EMC3: variants seen among roughly 807,000 people sequenced by gnomAD.
EMC3 encodes the protein ER membrane protein complex subunit 3.
EMC3 carries 13 observed loss-of-function variants against 36.6 expected under a neutral mutation model. The observed-to-expected ratio is 0.35, with a 90% CI of 0.23 to 0.56. EMC3 has a LOEUF of 0.56. Among genes scored for constraint, EMC3 ranks in the 20% least tolerant of loss-of-function variants. The pLI, the probability that EMC3 is intolerant of heterozygous loss-of-function variation, is 0.84. For synonymous variants in EMC3, 120 were observed against 111.9 expected (o/e 1.07, Z -0.46); for missense variants, 220 against 324.5 (o/e 0.68, Z 2.47).
chr3:9,967,963 C>G (rs930913051), intron 7 of EMC3, among the ~76,000 whole-genome samples: 1 of 152,234 alleles, frequency 6.6e-6, no homozygotes, highest in East Asian at 1.9e-4. Flanking sequence ...CGCTCTGTCA[C>G]CAGGCTGGAG....
At chr3:10,000,551 T>C (rs2086186276) in intron 1 of EMC3, 1 of 284,182 alleles carries the variant, frequency 3.5e-6, no homozygotes, top group Non-Finnish European at 7.2e-6. Context: ...TATGATCTGA[T>C]TTCTGGTGTA....
chr3:10,005,807 A>G (rs1242975864), intron 1 of EMC3, among the ~76,000 whole-genome samples: 8 of 152,156 alleles, frequency 5.3e-5, no homozygotes, highest in Non-Finnish European at 1.5e-5. Context: ...CAACTATCCC[A>G]TGGCCACCTA....
At chr3:9,974,538 A>G (rs767167012) in intron 3 of EMC3, 50 bp from the exon 4 acceptor site, 1 of 1,265,590 alleles carries the variant, frequency 7.9e-7, no homozygotes. Flanking sequence ...CTCTGTTGCC[A>G]GGGACTTTCT....
At chr3:10,008,038 C>T (rs1326908355) in intron 1 of EMC3, among the ~76,000 whole-genome samples, 1 of 152,146 alleles carries the variant, frequency 6.6e-6, no homozygotes, top group Non-Finnish European at 1.5e-5. Context: ...GGATGAAGGT[C>T]CCTCAGGTGT....
At chr3:9,990,540 C>T (rs1033663329), upstream of EMC3, among the ~76,000 whole-genome samples, 2 of 151,704 alleles carry the variant, frequency 1.3e-5, no homozygotes, top group African/African-American at 2.4e-5. Context: ...GAGAGAGTTT[C>T]GCTCTTTTGC....
At chr3:10,007,669 G>A in intron 1 of EMC3, 1 of 1,337,342 alleles carries the variant, frequency 7.5e-7, no homozygotes, top group Non-Finnish European at 1.0e-6. Context: ...TCATAAGGTA[G>A]GTTCCAGCTT....
chr3:9,996,219 G>A (rs1202498247), intron 1 of EMC3, among the ~76,000 whole-genome samples: 1 of 152,180 alleles, frequency 6.6e-6, no homozygotes, highest in African/African-American at 2.4e-5. Context: ...CAAGGCAGGA[G>A]AATCACATGT....
intron 7 of EMC3, among the ~76,000 whole-genome samples, chr3:9,968,084 G>T (rs1395424742): frequency 6.6e-6 from 1 of 152,154 alleles, no homozygotes; most frequent in African/African-American, 2.4e-5. Flanking sequence ...ACCATGCACA[G>T]CTAATTTTTG....
At chr3:9,969,627 A>T in intron 7 of EMC3, 92 bp downstream of exon 7, 1 of 1,596,302 alleles carries the variant, frequency 6.3e-7, no homozygotes, top group Non-Finnish European at 8.5e-7. Flanking sequence ...ATGGAACCAC[A>T]CAACACTCCC....
At chr3:9,978,049 G>A (rs991015792) in intron 1 of EMC3, among the ~76,000 whole-genome samples, 3 of 145,608 alleles carry the variant, frequency 2.1e-5, no homozygotes, top group Admixed American at 7.1e-5. Context: ...AGTGGCTCAC[G>A]CCTCTAATCC....
At position 9,981,787 on chromosome 3, in the gene EMC3, A is replaced by C. The variant is rs1200650412; in HGVS notation, c.156-4341T>G. The C allele has an allele frequency of 7.0e-6, 3 of 427,436 alleles. No homozygotes were observed. The Admixed American group carries it at 8.5e-5, about 12-fold the overall frequency. The allele number at this position is 427,436 out of a possible 1,614,324, so 26.5% of individuals were successfully genotyped here. ...TTAAAGTCAGTACTTCTCAAACCAG[A>C]GTTCCAAATTCTTAAGAATCAGTGT... On this transcript the variant is annotated intron_variant, in intron 1 of 7. Coordinates refer to ENST00000245046, the MANE Select transcript of EMC3 (RefSeq NM_001394674.1).
intron 1 of EMC3, among the ~76,000 whole-genome samples, chr3:10,000,097 G>T (rs1369003536): frequency 6.6e-6 from 1 of 151,986 alleles, no homozygotes; most frequent in African/African-American, 2.4e-5. Flanking sequence ...GAGTGCAGTG[G>T]CGCGATCTTG....
chr3:9,973,848 T>G lies in EMC3; in HGVS notation c.413-139A>C, dbSNP rs1039803431. On this transcript the variant is annotated intron_variant, in intron 4 of 7. Coordinates refer to ENST00000245046, the MANE Select transcript of EMC3 (RefSeq NM_001394674.1). Reference sequence around the variant, plus strand: ...TTCCACAAGGAAATCTGTGGCAATTTCTGAAGAAAAGACAGTCAAAATGCC... The same window carrying G: ...TTCCACAAGGAAATCTGTGGCAATTGCTGAAGAAAAGACAGTCAAAATGCC... The G allele has an allele frequency of 2.9e-5, 22 of 767,636 alleles. No individual in the cohort carries two copies. In the African/African-American group the frequency reaches 3.5e-4, roughly 12 times the overall value. The allele number at this position is 767,636 out of a possible 1,614,324, so 47.6% of individuals were successfully genotyped here. A position where few individuals can be genotyped will look rare whatever the true frequency, so the allele number is the denominator to read the frequency against.
At chr3:9,983,681 A>C (rs2085937266) in intron 1 of EMC3, among the ~76,000 whole-genome samples, 2 of 152,148 alleles carry the variant, frequency 1.3e-5, no homozygotes. Context: ...CAAAAAAAAA[A>C]AGGTTCTTGT....
In EMC3 at chr3:9,970,575, T is replaced by G. The variant is rs760189952; in HGVS notation, c.574+7A>C. On this transcript the variant is annotated splice_region_variant and intron_variant, in intron 6 of 7. Transcript: ENST00000245046. ...TATTTGCTTAGTAAACCTGACATGC[T>G]TCTTACCATTATCTTGGCCCAGAAT... The G allele has an allele frequency of 1.2e-6, 2 of 1,614,112 alleles. No homozygotes were observed.
At chr3:9,987,273 A>G (rs1227711038), upstream of EMC3, 4 of 985,132 alleles carry the variant, frequency 4.1e-6, no homozygotes, top group African/African-American at 1.7e-5. Flanking sequence ...CGGTGAGTAA[A>G]TGGAGCAGTG....
rs760261889 is a variant in EMC3 at position 10,003,398 on chromosome 3, G to A, written c.-242+7625C>T. ...TAAGATGACCCCAACATAGTTGCAC[G>A]GCTGAAGACAAAAATCAAGTTGGTG... On this transcript the variant is annotated intron_variant, in intron 1 of 8. Transcript: ENST00000470827. The A allele has an allele frequency of 2.5e-4, 90 of 361,158 alleles. 2 individuals carry two copies. Among genetic ancestry groups the A allele is most frequent in the South Asian group, 1.4e-3 (66 of 48,620 alleles). The allele number at this position is 361,158 out of a possible 1,614,324, so 22.4% of individuals were successfully genotyped here.
chr3:10,005,692 T>TA (rs2086254908), intron 1 of EMC3, among the ~76,000 whole-genome samples: 1 of 152,234 alleles, frequency 6.6e-6, no homozygotes, highest in Non-Finnish European at 1.5e-5. Flanking sequence ...ATGCCACTGA[T>TA]ACCATACGAA....
intron 1 of EMC3, among the ~76,000 whole-genome samples, chr3:9,998,034 T>C (rs893447009): frequency 1.3e-5 from 2 of 152,080 alleles, no homozygotes; most frequent in African/African-American, 4.8e-5. Flanking sequence ...GGTCTCCAAT[T>C]TCTCCATATT....
Sources: gnomAD v4.1 joint callset for allele counts (sites outside exome capture counted in the v4.1 genomes callset) on GRCh38, gnomAD v4.1.1 for gene constraint, MANE v1.5 for transcripts, NCBI Gene and HGNC (gene_info 2026-07-23, HGNC 2026-07-21) for gene names.